SLC24A4: variants seen among roughly 807,000 people sequenced by gnomAD.
The protein encoded by SLC24A4 is solute carrier family 24 member 4.
A neutral mutation model predicts 79.0 loss-of-function variants in SLC24A4; 53 were observed. The observed-to-expected ratio is 0.67, with a 90% CI of 0.54 to 0.84. The LOEUF (loss-of-function observed/expected upper bound fraction) is 0.84, where lower values mean the gene tolerates loss of function less well. Among genes scored for constraint, SLC24A4 ranks in the 40% least tolerant of loss-of-function variants. The pLI is 0.00. For synonymous variants in SLC24A4, 323 were observed against 323.8 expected, an observed-to-expected ratio of 1.00 and a Z score of 0.03; for missense variants, 731 against 822.0, an observed-to-expected ratio of 0.89 and a Z score of 1.35.
At chr14:92,328,746 G>A (rs1885294857) in intron 2 of SLC24A4, among the ~76,000 whole-genome samples, 1 of 152,238 alleles carries the variant, frequency 6.6e-6, no homozygotes, top group Non-Finnish European at 1.5e-5. Context: ...GTTGGCTTGG[G>A]CCGCATGACC....
intron 12 of SLC24A4, 65 bp downstream of exon 12, chr14:92,456,673 G>C (rs917025494): frequency 9.8e-6 from 15 of 1,527,642 alleles, no homozygotes; most frequent in Non-Finnish European, 1.3e-5. Context: ...ACCAAGCCCA[G>C]GTCTTCAGGA....
intron 2 of SLC24A4, among the ~76,000 whole-genome samples, chr14:92,388,978 A>G (rs1395155928): frequency 6.6e-6 from 1 of 150,704 alleles, no homozygotes; most frequent in Non-Finnish European, 1.5e-5. Flanking sequence ...AAACAAACAA[A>G]CTCACTTTGG....
intron 2 of SLC24A4, among the ~76,000 whole-genome samples, chr14:92,397,583 C>T (rs1312747056): frequency 5.3e-5 from 8 of 152,060 alleles, no homozygotes; most frequent in African/African-American, 9.7e-5. Flanking sequence ...TGGCACACAG[C>T]GGGAGGGGCA....
intron 13 of SLC24A4, 119 bp from the exon 14 acceptor site, chr14:92,486,547 A>C: frequency 1.5e-6 from 1 of 656,044 alleles, no homozygotes; most frequent in Non-Finnish European, 2.7e-6. Context: ...TAAAAGAGGC[A>C]GCCCCAGTAA....
chr14:92,474,256 T>C (rs911441308), intron 12 of SLC24A4, among the ~76,000 whole-genome samples: 4 of 152,352 alleles, frequency 2.6e-5, no homozygotes, highest in East Asian at 3.9e-4. Context: ...TTTTCCTGAT[T>C]CTGAGCGGGC....
At chr14:92,395,466 C>A (rs910643617) in intron 2 of SLC24A4, among the ~76,000 whole-genome samples, 8 of 151,140 alleles carry the variant, frequency 5.3e-5, no homozygotes, top group Admixed American at 2.0e-4. Context: ...CACACACACA[C>A]GAAACTATCC....
intron 2 of SLC24A4, among the ~76,000 whole-genome samples, chr14:92,358,396 G>A (rs1343797240): frequency 1.3e-5 from 2 of 152,064 alleles, no homozygotes; most frequent in Admixed American, 6.6e-5. Context: ...CCATTACATC[G>A]AATAATCTAT....
chr14:92,451,627 A>G (rs543113533), intron 10 of SLC24A4: 37 of 152,362 alleles, frequency 2.4e-4, no homozygotes, highest in African/African-American at 7.9e-4. Flanking sequence ...TAGAAAACCC[A>G]AAGTTTTATC....
intron 2 of SLC24A4, among the ~76,000 whole-genome samples, chr14:92,423,247 C>T (rs771898744): frequency 4.6e-5 from 7 of 152,178 alleles, no homozygotes; most frequent in Non-Finnish European, 7.3e-5. Context: ...CGGGTTCAAG[C>T]AATTCTCCTG....
intron 2 of SLC24A4, among the ~76,000 whole-genome samples, chr14:92,363,784 C>T (rs1018730604): frequency 7.9e-5 from 12 of 151,822 alleles, no homozygotes; most frequent in South Asian, 2.1e-4. Flanking sequence ...GAGCTGAGAT[C>T]GCGCCACTGT....
At chr14:92,400,761 A>ACG (rs1421459892) in intron 2 of SLC24A4, among the ~76,000 whole-genome samples, 3 of 152,222 alleles carry the variant, frequency 2.0e-5, no homozygotes, top group Non-Finnish European at 4.4e-5. Context: ...TAGCCTAAGC[A>ACG]CGTGGGTCCC....
intron 2 of SLC24A4, among the ~76,000 whole-genome samples, chr14:92,425,397 C>T (rs1891511300): frequency 6.6e-6 from 1 of 152,190 alleles, no homozygotes; most frequent in South Asian, 2.1e-4. Flanking sequence ...CTACAGGGAG[C>T]CTATTTGTTT....
intron 8 of SLC24A4, 66 bp from the exon 9 acceptor site, chr14:92,447,305 C>T: frequency 1.3e-6 from 2 of 1,487,068 alleles, no homozygotes; most frequent in Non-Finnish European, 1.9e-6. Context: ...TTCTGGACCC[C>T]TCATTCCCAG....
At chr14:92,338,244 T>C (rs901134998) in intron 2 of SLC24A4, among the ~76,000 whole-genome samples, 1 of 152,232 alleles carries the variant, frequency 6.6e-6, no homozygotes, top group Non-Finnish European at 1.5e-5. Context: ...ATTCTGCCTA[T>C]CTGAGCCTTA....
At chr14:92,373,145 G>T (rs1888293659) in intron 2 of SLC24A4, among the ~76,000 whole-genome samples, 6 of 150,444 alleles carry the variant, frequency 4.0e-5, no homozygotes, top group Admixed American at 3.3e-4. Flanking sequence ...GATTACAGGT[G>T]CCCACCACCA....
intron 2 of SLC24A4, among the ~76,000 whole-genome samples, chr14:92,372,930 T>C (rs373065197): frequency 1.8e-4 from 23 of 126,422 alleles, no homozygotes; most frequent in Admixed American, 9.6e-4. Context: ...TCTTTCTCTT[T>C]CTTTCTTTTT....
In SLC24A4 at chr14:92,455,034, A is replaced by G. The variant is rs145831142; in HGVS notation, c.1050+965A>G. ...CATGGCATATATAGCCGGGAAAGGAATAGGTTTTGGTAAGTTGCTGAGATA... is the reference window on the plus strand; with the variant it reads ...CATGGCATATATAGCCGGGAAAGGAGTAGGTTTTGGTAAGTTGCTGAGATA... On this transcript the variant is annotated intron_variant, in intron 11 of 16. Coordinates refer to ENST00000532405, the MANE Select transcript of SLC24A4 (RefSeq NM_153646.4). 7.1e-4 allele frequency among the ~76,000 whole-genome samples: 108 copies of G among 152,312 alleles called. 1 individual carries two copies. The highest frequency in any genetic ancestry group is 2.4e-3 in the African/African-American group (100 of 41,570).
rs1441817816 is a variant in SLC24A4, at chr14:92,323,906, G to T, written c.76G>T (p.Val26Leu). ...REMLPQQVGF[V>L]CAVLALVCCA... Reference sequence around the variant, plus strand: ...GATGCTGCCGCAGCAAGTCGGCTTCGTGTGCGCGGTGCTGGCCCTGGTGTG... The same window carrying T: ...GATGCTGCCGCAGCAAGTCGGCTTCTTGTGCGCGGTGCTGGCCCTGGTGTG... The change falls in exon 1 of 17, where the codon GTG (valine) becomes TTG (leucine). Residue 26 changes from valine to leucine, a missense_variant. By Grantham distance (32) the Val-to-Leu change is conservative. Transcript: ENST00000532405. The surrounding 1 kb of genome is among the most constrained non-coding windows in gnomAD (Gnocchi z 4.9). 1 of 1,610,108 alleles carries T rather than the reference G, an allele frequency of 6.2e-7. No homozygotes were observed.
Position 92,347,941 on chromosome 14 carries a change from AAAAC to A in SLC24A4, c.241+21975_241+21978del, listed in dbSNP as rs374166511. On this transcript the variant is annotated intron_variant, in intron 2 of 16. Transcript: ENST00000532405. Reference sequence around the variant, plus strand: ...ACTCCATCTAAAAAAACAAAAAACAAAAACAAACAAACAAAAAACTTTTAAAGAA... The same window carrying A: ...ACTCCATCTAAAAAAACAAAAAACAAAAACAAACAAAAAACTTTTAAAGAA... Among the ~76,000 whole-genome samples, 47 of 152,214 alleles carry A rather than the reference AAAAC, an allele frequency of 3.1e-4. 1 individual carries two copies. The highest frequency in any genetic ancestry group is 6.8e-3 in the Middle Eastern group (2 of 294).
Sources: allele counts gnomAD v4.1 joint callset (sites outside exome capture counted in the v4.1 genomes callset), GRCh38; gene constraint gnomAD v4.1.1; non-coding constraint Gnocchi (gnomAD v3.1); transcripts MANE v1.5; gene names NCBI Gene and HGNC (gene_info 2026-07-23, HGNC 2026-07-21).